The following KNDC1 variants were observed in gnomAD, a reference collection of about 807,000 sequenced individuals.
KNDC1 encodes kinase non-catalytic C-lobe domain containing 1.
In KNDC1, 106 loss-of-function variants were observed where a neutral mutation model predicts 172.8. The ratio of observed to expected loss-of-function variants is 0.61; its 90% CI spans 0.52 to 0.72. The LOEUF is 0.72. Ranked by LOEUF, KNDC1 falls within the 30% of genes least tolerant of loss-of-function variation. The pLI, the probability that KNDC1 is intolerant of heterozygous loss-of-function variation, is 0.00. For synonymous variants in KNDC1, 1,083 were observed against 1,062.2 expected (o/e 1.02, Z -0.38); for missense variants, 2,325 against 2,394.5 (o/e 0.97, Z 0.61).
intron 17 of KNDC1, among the ~76,000 whole-genome samples, chr10:133,204,700 C>A (rs1374500747): frequency 6.6e-6 from 1 of 152,230 alleles, no homozygotes; most frequent in Admixed American, 6.5e-5. Context: ...AAAATAAACC[C>A]TGTCAATAGC....
chr10:133,191,292 A>G (rs1337810631), intron 9 of KNDC1, among the ~76,000 whole-genome samples: 12 of 151,832 alleles, frequency 7.9e-5, no homozygotes, highest in Admixed American at 7.9e-4. Flanking sequence ...AATCCCAGCT[A>G]CTCGGGAGGC....
At chr10:133,201,228 G>T (rs186435783) in intron 16 of KNDC1, among the ~76,000 whole-genome samples, 12 of 152,306 alleles carry the variant, frequency 7.9e-5, no homozygotes, top group African/African-American at 2.6e-4. Flanking sequence ...CCACCCCGGG[G>T]CGAGTACGAG....
chr10:133,213,917 G>T (rs994058521), intron 25 of KNDC1, 55 bp from the exon 26 acceptor site: 2 of 1,605,790 alleles, frequency 1.2e-6, no homozygotes, highest in Non-Finnish European at 1.7e-6. Context: ...CCCCAGGGCC[G>T]GGCAGGGCCA....
rs1004324397 is a variant in KNDC1 at position 133,163,552 on chromosome 10, T to C, written c.102+2983T>C. On this transcript the variant is annotated intron_variant, in intron 1 of 29. Transcript: ENST00000304613. This position sits in a 1 kb window ranked among gnomAD's most constrained non-coding sequence, Gnocchi z 4.4. ...AGAGAGCTGTCAGGAGGCCTGGGGA[T>C]TGGCAGCCAGTGCTCCCAGCTGTGA... Among the ~76,000 whole-genome samples the C allele has an allele frequency of 6.6e-6, 1 of 152,080 alleles. No homozygotes were observed. Among genetic ancestry groups the C allele is most frequent in the African/African-American group, 2.4e-5 (1 of 41,394 alleles).
intron 1 of KNDC1, among the ~76,000 whole-genome samples, chr10:133,161,558 T>C (rs1430104597): frequency 6.6e-6 from 1 of 152,028 alleles, no homozygotes; most frequent in Non-Finnish European, 1.5e-5. Flanking sequence ...AGCACCGTCC[T>C]TCTGGGAAGG....
rs751579336 is a variant in KNDC1, at chr10:133,212,736, C to T, written c.4257C>T (p.Pro1419=). Residue 1419 remains proline, a synonymous_variant, in exon 24 of 30, where the codon CCC becomes CCT. Transcript: ENST00000304613. ...TGCAGAGCTTCCCCTGGAGGCTGCCCCGAGGCAACGGGCTGGTGCTGCCGC... is the reference window on the plus strand; with the variant it reads ...TGCAGAGCTTCCCCTGGAGGCTGCCTCGAGGCAACGGGCTGGTGCTGCCGC... ...ISRKSFPWRL[P]RGNGLVLPPH... is the part of the protein sequence containing the mutation. 6.2e-7 allele frequency: 1 copy of T among 1,613,178 alleles called. No individual in the cohort carries two copies. Among genetic ancestry groups the T allele is most frequent in the Non-Finnish European group, 8.5e-7 (1 of 1,179,764 alleles).
chr10:133,186,381 T>C lies in KNDC1; in HGVS notation c.1033T>C (p.Phe345Leu), dbSNP rs1853918094. 3 of 1,612,654 alleles carry C rather than the reference T, an allele frequency of 1.9e-6. No individual in the cohort carries two copies. The highest frequency in any genetic ancestry group is 2.2e-5 in the East Asian group (1 of 44,896). ...ELFSPDPRKA[F>L]LDRKNGLSSF... ...ATTCTCTCCGGACCCCAGGAAGGCC[T>C]TTCTGGACAGGAAAAATGGCCTTTC... The change falls in exon 6 of 30, where the codon TTT (phenylalanine) becomes CTT (leucine). Residue 345 changes from phenylalanine (F) to leucine (L), a missense_variant. Transcript: ENST00000304613.
chr10:133,207,479 C>A, intron 20 of KNDC1, 128 bp downstream of exon 20: 1 of 899,140 alleles, frequency 1.1e-6, no homozygotes, highest in Non-Finnish European at 1.7e-6. Flanking sequence ...AATGTTTAAT[C>A]GGGGTTTAGG....
In KNDC1 at chr10:133,225,001, C is replaced by G; in HGVS notation, c.*111C>G. 1 of 853,794 alleles carries G rather than the reference C, an allele frequency of 1.2e-6. No homozygotes were observed. The highest frequency in any genetic ancestry group is 2.2e-5 in the Admixed American group (1 of 46,184). 52.9% of individuals were successfully genotyped at this position (853,794 alleles called of 1,614,324 possible). A position where few individuals can be genotyped will look rare whatever the true frequency, so the allele number is the denominator to read the frequency against. On this transcript the variant is annotated 3_prime_UTR_variant, in exon 30 of 30. Coordinates refer to ENST00000304613, the MANE Select transcript of KNDC1 (RefSeq NM_152643.8). ...GCCGTTATCAAGGCCCCTCCGCCCC[C>G]GAACCCTGGGGAGCTGGACCAGGAG...
rs375065962 is a variant in KNDC1, at chr10:133,212,930, G to A, written c.4443+8G>A. ...CTCACGCTGCTACAGCAGGTGAGGA[G>A]GGCGAGGATCTGCGCCCAGGTCACC... is the stretch of plus-strand genomic sequence containing the variant. On this transcript the variant is annotated splice_region_variant and intron_variant, in intron 24 of 29. Transcript: ENST00000304613. 4 of 1,606,488 alleles carry A rather than the reference G, an allele frequency of 2.5e-6. No individual in the cohort carries two copies. Among genetic ancestry groups the A allele is most frequent in the Non-Finnish European group, 3.4e-6 (4 of 1,174,808 alleles).
At position 133,224,574 on chromosome 10, in the gene KNDC1, C is replaced by T; in HGVS notation, c.5019-85C>T. 1.1e-6 allele frequency: 1 copy of T among 918,210 alleles called. No individual in the cohort carries two copies. The highest frequency in any genetic ancestry group is 2.5e-5 in the Admixed American group (1 of 40,638). 56.9% of individuals were successfully genotyped at this position (918,210 alleles called of 1,614,324 possible). A position where few individuals can be genotyped will look rare whatever the true frequency, so the allele number is the denominator to read the frequency against. On this transcript the variant is annotated intron_variant, in intron 29 of 29. Transcript: ENST00000304613. The surrounding 1 kb of genome is among the most constrained non-coding windows in gnomAD (Gnocchi z 5.4). ...GTGAAAAGATTTAGTCCAAATGATT[C>T]CTAAGAACGCGGGGGGACTCCCTCC...
At position 133,207,300 on chromosome 10, in the gene KNDC1, G is replaced by A. The variant is rs746028459; in HGVS notation, c.3743G>A (p.Arg1248His). 9.3e-6 allele frequency: 15 copies of A among 1,612,838 alleles called. No individual in the cohort carries two copies. Among genetic ancestry groups the A allele is most frequent in the Admixed American group, 3.3e-5 (2 of 59,994 alleles). ...NKHPGGRQKARILQAGTPLGL... is the reference protein window; with the variant it reads ...NKHPGGRQKAHILQAGTPLGL... ...CACCCGGGCGGCCGGCAGAAGGCCC[G>A]CATCCTGCAGGCCGGCACGCCGCTG... Residue 1248 changes from arginine to histidine, a missense_variant, in exon 20 of 30, where the codon CGC becomes CAC. Arg to His is a conservative substitution (Grantham distance 29). Transcript: ENST00000304613.
At chr10:133,222,443 CGGCG>C (rs1386093195) in intron 29 of KNDC1, among the ~76,000 whole-genome samples, 4 of 89,966 alleles carry the variant, frequency 4.4e-5, no homozygotes, top group Middle Eastern at 5.2e-3. Context: ...ATGCTCTTCC[CGGCG>C]TGTGTGTGTG....
chr10:133,213,842 A>G, intron 25 of KNDC1, 115 bp downstream of exon 25: 1 of 1,437,854 alleles, frequency 7.0e-7, no homozygotes, highest in Non-Finnish European at 9.7e-7. Context: ...CAGAGACGCG[A>G]GAGAGTGGTG....
At position 133,201,964 on chromosome 10, in the gene KNDC1, C is replaced by G. The variant is rs1467983482; in HGVS notation, c.3387+66C>G. 3 of 1,487,594 alleles carry G rather than the reference C, an allele frequency of 2.0e-6. No homozygotes were observed. In the African/African-American group the frequency reaches 4.2e-5, roughly 21 times the overall value. 92.1% of individuals were successfully genotyped at this position (1,487,594 alleles called of 1,614,324 possible). A position where few individuals can be genotyped will look rare whatever the true frequency, so the allele number is the denominator to read the frequency against. ...TCTCCTTCCAGCAGAGCTTCCTGGT[C>G]ACTGCAGGTGACAGATGGCACCGTG... On this transcript the variant is annotated intron_variant, in intron 17 of 29. Transcript: ENST00000304613.
chr10:133,195,163 C>T (rs976666233), intron 9 of KNDC1, among the ~76,000 whole-genome samples: 1 of 152,268 alleles, frequency 6.6e-6, no homozygotes, highest in Admixed American at 6.5e-5. Context: ...AAATGGTGTG[C>T]TGTGCATCCC....
At chr10:133,191,241 C>CA in intron 9 of KNDC1, among the ~76,000 whole-genome samples, 1 of 52,226 alleles carries the variant, frequency 1.9e-5, no homozygotes, top group East Asian at 2.5e-4. Flanking sequence ...TGTGGTGGCA[C>CA]ATGCCTGTAA....
chr10:133,216,583 G>A (rs1034979729), intron 26 of KNDC1, among the ~76,000 whole-genome samples: 15 of 152,074 alleles, frequency 9.9e-5, no homozygotes, highest in African/African-American at 2.4e-4. Flanking sequence ...AGGCTGAGGC[G>A]GGAGGATCAC....
At chr10:133,213,783 C>G (rs747468454) in intron 25 of KNDC1, 56 bp downstream of exon 25, 5 of 1,541,974 alleles carry the variant, frequency 3.2e-6, no homozygotes, top group African/African-American at 1.4e-5. Context: ...GGGGGCTTCC[C>G]GTAAGAGTCT....
Sources: gnomAD v4.1 joint callset for allele counts (sites outside exome capture counted in the v4.1 genomes callset) on GRCh38, gnomAD v4.1.1 for gene constraint, Gnocchi (gnomAD v3.1) non-coding constraint, MANE v1.5 for transcripts, NCBI Gene and HGNC (gene_info 2026-07-23, HGNC 2026-07-21) for gene names.